The following MTUS2 variants were observed in gnomAD, a reference collection of about 807,000 sequenced individuals.
The protein encoded by MTUS2 is microtubule-associated tumor suppressor candidate 2.
MTUS2 carries 40 observed loss-of-function variants against 114.1 expected under a neutral mutation model. The observed-to-expected ratio is 0.35, with a 90% confidence interval of 0.27 to 0.46. The LOEUF is 0.46. Ranked by LOEUF, MTUS2 falls within the 20% of genes least tolerant of loss-of-function variation. MTUS2 has a pLI of 1.00. For synonymous variants in MTUS2, 688 were observed against 672.0 expected (o/e 1.02, Z -0.37); for missense variants, 1,679 against 1,705.4 (o/e 0.98, Z 0.27).
At chr13:28,846,456 A>G (rs1490690493) in intron 2 of MTUS2, among the ~76,000 whole-genome samples, 1 of 152,238 alleles carries the variant, frequency 6.6e-6, no homozygotes, top group Non-Finnish European at 1.5e-5. Flanking sequence ...TTCTCAGTCC[A>G]TCAAGTCAAA....
At chr13:29,165,451 C>G (rs1358864572) in intron 5 of MTUS2, among the ~76,000 whole-genome samples, 1 of 152,166 alleles carries the variant, frequency 6.6e-6, no homozygotes, top group Non-Finnish European at 1.5e-5. Context: ...CTATGTAGCC[C>G]ATAGTTGCTT....
chr13:29,164,748 A>G (rs1379729197), intron 5 of MTUS2, among the ~76,000 whole-genome samples: 2 of 152,236 alleles, frequency 1.3e-5, no homozygotes, highest in Non-Finnish European at 2.9e-5. Flanking sequence ...TGATACCACA[A>G]ATAATTATGT....
intron 4 of MTUS2, among the ~76,000 whole-genome samples, chr13:29,088,058 CAAAAAAA>C (rs57654117): frequency 0.19 from 26,435 of 135,732 alleles, 2,734 homozygotes; most frequent in Middle Eastern, 0.26. Flanking sequence ...GACTCCGTCT[CAAAAAAA>C]AAAAAAAAAA....
chr13:29,181,933 T>G (rs1234244588), intron 5 of MTUS2, among the ~76,000 whole-genome samples: 1 of 152,152 alleles, frequency 6.6e-6, no homozygotes, highest in Non-Finnish European at 1.5e-5. Context: ...AAGAAAGTGC[T>G]CTCACATTGT....
intron 2 of MTUS2, among the ~76,000 whole-genome samples, chr13:28,863,209 C>G (rs141601827): frequency 2.2e-3 from 328 of 152,348 alleles, no homozygotes; most frequent in African/African-American, 7.3e-3. Context: ...TTTCCTACTT[C>G]TAGCTTTCCT....
rs1049389537 is a variant in MTUS2, at chr13:28,850,726, T to C, written c.-243+10876T>C. On this transcript the variant is annotated intron_variant, in intron 2 of 15. Transcript: ENST00000612955. The stretch of plus-strand genomic sequence containing the variant: ...GTCTCTAAACCATCCTGGAGACTGG[T>C]CTTTAGACAGTTGATTCATTTTCTA... 2.0e-5 allele frequency among the ~76,000 whole-genome samples: 3 copies of C among 152,302 alleles called. No individual in the cohort carries two copies. The South Asian group carries it at 6.2e-4, about 32-fold the overall frequency.
chr13:29,332,440 T>A (rs538481529), intron 7 of MTUS2, among the ~76,000 whole-genome samples: 1 of 152,250 alleles, frequency 6.6e-6, no homozygotes, highest in African/African-American at 2.4e-5. Context: ...TCTATTTGAT[T>A]CTTTCTTTTC....
At chr13:28,888,664 C>T (rs954500323) in intron 2 of MTUS2, among the ~76,000 whole-genome samples, 31 of 152,088 alleles carry the variant, frequency 2.0e-4, no homozygotes, top group African/African-American at 6.5e-4. Flanking sequence ...TCAGGTGATC[C>T]GCCTGCCTCA....
At chr13:29,189,576 T>C (rs1894363632) in intron 5 of MTUS2, among the ~76,000 whole-genome samples, 1 of 152,182 alleles carries the variant, frequency 6.6e-6, no homozygotes, top group African/African-American at 2.4e-5. Context: ...AAAGACACTT[T>C]CACCTCTAAT....
intron 2 of MTUS2, among the ~76,000 whole-genome samples, chr13:28,903,819 T>A (rs1340395821): frequency 6.6e-6 from 1 of 152,000 alleles, no homozygotes; most frequent in Non-Finnish European, 1.5e-5. Flanking sequence ...TAGTTCTAGA[T>A]CCCTGAGGAA....
chr13:29,099,896 G>C (rs570474942), intron 4 of MTUS2, among the ~76,000 whole-genome samples: 1 of 152,186 alleles, frequency 6.6e-6, no homozygotes, highest in African/African-American at 2.4e-5. Flanking sequence ...TATTGCTGGA[G>C]CCTGGCTCAG....
intron 2 of MTUS2, among the ~76,000 whole-genome samples, chr13:28,847,704 C>T (rs937457617): frequency 7.2e-5 from 11 of 152,122 alleles, no homozygotes; most frequent in African/African-American, 2.7e-4. Flanking sequence ...TTGGCTTTTT[C>T]AGCACCTCCC....
chr13:28,988,123 G>A (rs1187269424), intron 2 of MTUS2, among the ~76,000 whole-genome samples: 4 of 152,204 alleles, frequency 2.6e-5, no homozygotes, highest in South Asian at 2.1e-4. Context: ...TTAGCAATTA[G>A]GATAGAGACA....
chr13:29,473,214 G>A (rs1004338646), intron 9 of MTUS2, among the ~76,000 whole-genome samples: 1 of 151,970 alleles, frequency 6.6e-6, no homozygotes, highest in Non-Finnish European at 1.5e-5. Context: ...CTATTATAAA[G>A]CATTTGCTAT....
chr13:29,413,592 T>G (rs1210970322), intron 8 of MTUS2, among the ~76,000 whole-genome samples: 1 of 67,296 alleles, frequency 1.5e-5, no homozygotes, highest in African/African-American at 5.8e-5. Context: ...TACAATGAAC[T>G]CAAACAAATT....
chr13:29,495,402 C>CA (rs1215207207), intron 12 of MTUS2, among the ~76,000 whole-genome samples: 1 of 115,244 alleles, frequency 8.7e-6, no homozygotes, highest in Non-Finnish European at 1.9e-5. Context: ...GAAAAGAGAA[C>CA]AAAAAAGAGG....
chr13:29,194,861 A>G (rs1395995683), intron 5 of MTUS2, among the ~76,000 whole-genome samples: 1 of 151,500 alleles, frequency 6.6e-6, no homozygotes, highest in Non-Finnish European at 1.5e-5. Flanking sequence ...TCCAACAATG[A>G]TAGACTGGAT....
At chr13:28,891,858 C>CAAAAAAA (rs1169875500) in intron 2 of MTUS2, among the ~76,000 whole-genome samples, 2 of 52,182 alleles carry the variant, frequency 3.8e-5, no homozygotes, top group African/African-American at 6.9e-5. Flanking sequence ...GACTCTGTCT[C>CAAAAAAA]AAAAAAAAAA....
chr13:28,959,381 C>G (rs679509), intron 2 of MTUS2, among the ~76,000 whole-genome samples: 134,113 of 152,174 alleles, frequency 0.88, 59,270 homozygotes, highest in East Asian at 1. Flanking sequence ...CATCACCCCA[C>G]TAGCAATGAG....
Sources: gnomAD v4.1 joint callset for allele counts (sites outside exome capture counted in the v4.1 genomes callset) on GRCh38, gnomAD v4.1.1 for gene constraint, MANE v1.5 for transcripts, NCBI Gene and HGNC (gene_info 2026-07-23, HGNC 2026-07-21) for gene names.